Variants in KLK8 observed in about 807,000 individuals in gnomAD.
KLK8 encodes kallikrein-8.
A neutral mutation model predicts 26.7 loss-of-function variants in KLK8; 18 were observed. That is an observed-to-expected ratio of 0.67 (90% CI 0.47 to 1.00). KLK8 has a LOEUF of 1.00. KLK8 is among the 50% of genes least tolerant of loss of function. The pLI, the probability that KLK8 is intolerant of heterozygous loss-of-function variation, is 0.00. For missense variants in KLK8, 301 were observed against 331.7 expected, an observed-to-expected ratio of 0.91 and a Z score of 0.72; for synonymous variants, 137 against 127.1, an observed-to-expected ratio of 1.08 and a Z score of -0.52.
Position 50,996,625 on chromosome 19 carries a change from C to T in KLK8, c.628-411G>A, listed in dbSNP as rs971614725. Reference sequence around the variant, plus strand: ...GTGCACACCTGTAATCACAGCTACTCGGGAGGCTGAGGTGGGAGAATTGCT... The same window carrying T: ...GTGCACACCTGTAATCACAGCTACTTGGGAGGCTGAGGTGGGAGAATTGCT... On this transcript the variant is annotated intron_variant, in intron 6 of 6. Coordinates refer to ENST00000600767, the Ensembl canonical transcript of KLK8. Among the ~76,000 whole-genome samples the T allele has an allele frequency of 4.0e-5, 6 of 149,796 alleles. No individual in the cohort carries two copies. In the East Asian group the frequency reaches 5.8e-4, roughly 15 times the overall value.
Position 51,000,423 on chromosome 19 carries a change from C to T in KLK8, c.230+1G>A, listed in dbSNP as rs201871063. ...GACCTCTGCCCCCATCATCCACTCA[C>T]GGTTTTTTACAGTGGGCAGCTGTAA... On this transcript the variant is annotated splice_donor_variant, in intron 4 of 6. Transcript: ENST00000600767. LOFTEE classifies it high-confidence loss of function. The T allele has an allele frequency of 2.6e-5, 42 of 1,602,710 alleles. No homozygotes were observed. The highest frequency in any genetic ancestry group is 3.3e-5 in the Non-Finnish European group (39 of 1,172,722).
At chr19:51,001,152 G>T in exon 3 of KLK8, 1 of 1,613,382 alleles carries the variant, frequency 6.2e-7, no homozygotes, top group Non-Finnish European at 8.5e-7. Context: ...GCCGCACGAG[G>T]TCGGGGGCGT....
chr19:50,999,845 C>T (rs866021113), intron 5 of KLK8, 151 bp downstream of exon 4: 2 of 796,678 alleles, frequency 2.5e-6, no homozygotes, highest in South Asian at 2.1e-5. Context: ...ATCTTCGAGG[C>T]TTCTCATATG....
chr19:50,998,167 G>A (rs933088957), intron 5 of KLK8, among the ~76,000 whole-genome samples: 1 of 152,036 alleles, frequency 6.6e-6, no homozygotes, highest in African/African-American at 2.4e-5. Flanking sequence ...GTTACTTGGA[G>A]GTGCCCCTTT....
intron 5 of KLK8, among the ~76,000 whole-genome samples, chr19:50,999,557 C>T (rs558632518): frequency 4.6e-4 from 50 of 109,344 alleles, no homozygotes; most frequent in African/African-American, 1.5e-3. Context: ...CCAGCCTGGG[C>T]GATTGAGTGA....
At chr19:51,000,109 C>T (rs779313970) in exon 5 of KLK8, 25 of 1,613,968 alleles carry the variant, frequency 1.5e-5, no homozygotes, top group African/African-American at 6.7e-5. Context: ...TGCCTGGTCA[C>T]GCAGTTGAAG....
chr19:51,000,890 G>A (rs1361383313), intron 3 of KLK8, among the ~76,000 whole-genome samples: 1 of 152,142 alleles, frequency 6.6e-6, no homozygotes, highest in Non-Finnish European at 1.5e-5. Flanking sequence ...ACAATTTACA[G>A]CATCACGGAA....
chr19:50,997,434 T>C (rs10451449), intron 6 of KLK8, among the ~76,000 whole-genome samples: 1,767 of 152,162 alleles, frequency 0.012, 31 homozygotes, highest in African/African-American at 0.041. Flanking sequence ...TCGTCTAAAC[T>C]CTAGCCTCAG....
exon 7 of KLK8, chr19:50,996,209 A>G (rs531549436): frequency 6.2e-7 from 1 of 1,614,014 alleles, no homozygotes; most frequent in Non-Finnish European, 8.5e-7. Flanking sequence ...GGCCTCCAGA[A>G]TCGCCCTAGA....
exon 5 of KLK8, chr19:51,000,097 G>A: frequency 6.2e-7 from 1 of 1,614,084 alleles, no homozygotes; most frequent in East Asian, 2.2e-5. Flanking sequence ...GGACCCCAGG[G>A]ATGCCTGGTC....
chr19:51,000,068 G>A (rs1397437056), exon 5 of KLK8: 2 of 1,613,944 alleles, frequency 1.2e-6, no homozygotes. Context: ...TGATCTGCCA[G>A]GCTGATGGGC....
At chr19:51,001,269 C>T in intron 2 of KLK8, 94 bp from the exon 2 acceptor site, 2 of 1,063,596 alleles carry the variant, frequency 1.9e-6, no homozygotes, top group Admixed American at 4.0e-5. Context: ...CCGAGAGTAT[C>T]TGGGGCTGTT....
chr19:50,997,908 T>A, intron 5 of KLK8, 24 bp from the exon 5 acceptor site: 1 of 1,613,174 alleles, frequency 6.2e-7, no homozygotes, highest in Non-Finnish European at 8.5e-7. Context: ...GGTTGTAAGG[T>A]TCCCTGAGAG....
rs1446094986 is a variant in KLK8 at position 51,001,089 on chromosome 19, C to T, written c.70+9G>A. On this transcript the variant is annotated intron_variant, in intron 3 of 6. Coordinates refer to ENST00000600767, the Ensembl canonical transcript of KLK8. The stretch of plus-strand genomic sequence containing the variant: ...CCTCCCCTCCGGAGGCCTCCGCAAC[C>T]CTCCTCACCTGCCCAGGCTCCCCCC... 3.7e-6 allele frequency: 6 copies of T among 1,609,912 alleles called. No homozygotes were observed. Among genetic ancestry groups the T allele is most frequent in the South Asian group, 2.2e-5 (2 of 89,932 alleles).
At chr19:51,000,618 T>C (rs757343041) in intron 3 of KLK8, 35 bp from the exon 3 acceptor site, 6 of 1,611,220 alleles carry the variant, frequency 3.7e-6, no homozygotes, top group Non-Finnish European at 5.1e-6. Context: ...ATCGCCACCC[T>C]CTGGGGCAGT....
At chr19:51,001,205 A>G in intron 2 of KLK8, 30 bp from the exon 2 acceptor site, 2 of 1,592,150 alleles carry the variant, frequency 1.3e-6, no homozygotes, top group Non-Finnish European at 1.7e-6. Context: ...GGGCCGGTAA[A>G]CAGGAAGGAG....
At chr19:51,001,129 C>T in exon 3 of KLK8, 2 of 1,613,574 alleles carry the variant, frequency 1.2e-6, no homozygotes, top group Non-Finnish European at 1.7e-6. Flanking sequence ...AGAGCAGGAA[C>T]ATCCACGTCT....
rs531268893 is a variant in KLK8 at position 51,000,872 on chromosome 19, C to CT, written c.70+225dup. ...AGCAAGCAGCCCCCAAAGGCTGTAGCTATTCAGACAATTTACAGCATCACG... is the reference window on the plus strand; with the variant it reads ...AGCAAGCAGCCCCCAAAGGCTGTAGCTTATTCAGACAATTTACAGCATCACG... On this transcript the variant is annotated intron_variant, in intron 3 of 6. Transcript: ENST00000600767. Among the ~76,000 whole-genome samples, 204 of 152,332 alleles carry CT rather than the reference C, an allele frequency of 1.3e-3. 2 individuals carry two copies. In the Middle Eastern group the frequency reaches 0.014, roughly 10 times the overall value.
intron 6 of KLK8, among the ~76,000 whole-genome samples, chr19:50,996,961 C>CTGAAATA (rs1188861041): frequency 6.6e-6 from 1 of 150,674 alleles, no homozygotes; most frequent in Non-Finnish European, 1.5e-5. Context: ...GAGACCATGG[C>CTGAAATA]TGAAATATTT....
Sources: allele counts gnomAD v4.1 joint callset (sites outside exome capture counted in the v4.1 genomes callset), GRCh38; gene constraint gnomAD v4.1.1; transcripts MANE v1.5; gene names NCBI Gene and HGNC (gene_info 2026-07-23, HGNC 2026-07-21).